The following GPLD1 variants were observed in gnomAD, a reference collection of about 807,000 sequenced individuals.
GPLD1 encodes phosphatidylinositol-glycan-specific phospholipase D.
In GPLD1, 84 loss-of-function variants were observed where a neutral mutation model predicts 112.6. The ratio of observed to expected loss-of-function variants is 0.75; its 90% confidence interval spans 0.63 to 0.89. The LOEUF (loss-of-function observed/expected upper bound fraction) is 0.89, where lower values mean the gene tolerates loss of function less well. Ranked by LOEUF, GPLD1 falls within the 40% of genes least tolerant of loss-of-function variation. The pLI is 0.00. For missense variants in GPLD1, 1,044 were observed against 1,051.5 expected (o/e 0.99, Z 0.10); for synonymous variants, 386 against 403.8 (o/e 0.96, Z 0.53).
Position 24,445,716 on chromosome 6 carries a change from C to T in GPLD1, c.1926+10G>A. ...TGTCCACTCTCCTGTGTGGGGAGGG[C>T]TTGTCATACCTTGTCTCCAGAAATG... On this transcript the variant is annotated intron_variant, in intron 19 of 24. Coordinates refer to ENST00000230036, the MANE Select transcript of GPLD1 (RefSeq NM_001503.4). The T allele has an allele frequency of 1.9e-6, 3 of 1,608,426 alleles. No individual in the cohort carries two copies. The highest frequency in any genetic ancestry group is 2.6e-6 in the Non-Finnish European group (3 of 1,174,890).
Position 24,429,042 on chromosome 6 carries a change from C to T in GPLD1, c.2513G>A (p.Gly838Asp). 5.6e-6 allele frequency: 9 copies of T among 1,610,332 alleles called. No homozygotes were observed. The highest frequency in any genetic ancestry group is 7.6e-6 in the Non-Finnish European group (9 of 1,177,046). The change falls in exon 25 of 25, where the codon GGC becomes GAC. Residue 838 changes from glycine to aspartate, a missense_variant. Coordinates refer to ENST00000230036, the MANE Select transcript of GPLD1 (RefSeq NM_001503.4). ...LSGALHVYSL[G>D]SD Reference sequence around the variant, plus strand: ...AATGCAGTGAAATCTTCAATCTGAGCCAAGGCTATAGACGTGAAGTGCCCC... The same window carrying T: ...AATGCAGTGAAATCTTCAATCTGAGTCAAGGCTATAGACGTGAAGTGCCCC...
Position 24,488,188 on chromosome 6 carries a change from G to A in GPLD1, c.97+1227C>T, listed in dbSNP as rs187429214. Among the ~76,000 whole-genome samples the A allele has an allele frequency of 4.2e-3, 641 of 152,068 alleles. 2 individuals are homozygous for A. The highest frequency in any genetic ancestry group is 0.014 in the African/African-American group (587 of 41,514). ...TTTGGGAGGCCGAGGCAGGCGGATCGCAAGGTCAGGAGATCGAGATCATCC... is the reference window on the plus strand; with the variant it reads ...TTTGGGAGGCCGAGGCAGGCGGATCACAAGGTCAGGAGATCGAGATCATCC... On this transcript the variant is annotated intron_variant, in intron 1 of 24. Coordinates refer to ENST00000230036, the MANE Select transcript of GPLD1 (RefSeq NM_001503.4).
intron 3 of GPLD1, among the ~76,000 whole-genome samples, chr6:24,479,508 C>T (rs759737904): frequency 2.6e-4 from 40 of 152,194 alleles, no homozygotes; most frequent in Non-Finnish European, 4.7e-4. Context: ...TTTGCCAAGA[C>T]ATGAAAATTG....
upstream of GPLD1, among the ~76,000 whole-genome samples, chr6:24,493,408 G>A (rs1764605966): frequency 6.6e-6 from 1 of 152,106 alleles, no homozygotes; most frequent in Admixed American, 6.6e-5. Flanking sequence ...CCCGGGAGGC[G>A]GAAGTTGCAG....
intron 7 of GPLD1, among the ~76,000 whole-genome samples, chr6:24,469,357 A>G (rs1460188396): frequency 1.5e-5 from 2 of 130,882 alleles, no homozygotes; most frequent in Admixed American, 1.7e-4. Flanking sequence ...TATTCACAAT[A>G]GCAAAGACTT....
At chr6:24,491,841 T>C (rs956836482), upstream of GPLD1, among the ~76,000 whole-genome samples, 5 of 152,232 alleles carry the variant, frequency 3.3e-5, no homozygotes, top group African/African-American at 1.2e-4. Context: ...ATTATTTGCT[T>C]AGTGTGATAG....
chr6:24,456,411 TAAAATG>T (rs1389101055), intron 13 of GPLD1, 81 bp downstream of exon 13: 1 of 894,210 alleles, frequency 1.1e-6, no homozygotes, highest in Non-Finnish European at 1.7e-6. Context: ...TAAAATAAAA[TAAAATG>T]AAATAAAAAA....
chr6:24,482,052 T>C (rs1447692965), intron 2 of GPLD1, among the ~76,000 whole-genome samples: 2 of 151,304 alleles, frequency 1.3e-5, no homozygotes, highest in Non-Finnish European at 2.9e-5. Flanking sequence ...AAAAGAAGAG[T>C]ACTAACGAAG....
intron 22 of GPLD1, among the ~76,000 whole-genome samples, chr6:24,436,349 G>A (rs1483944056): frequency 1.3e-5 from 2 of 152,148 alleles, no homozygotes; most frequent in Admixed American, 6.5e-5. Context: ...GTGTGACCAG[G>A]GACCTACATA....
intron 10 of GPLD1, among the ~76,000 whole-genome samples, chr6:24,463,984 G>A (rs1427446397): frequency 6.6e-6 from 1 of 152,146 alleles, no homozygotes; most frequent in Non-Finnish European, 1.5e-5. Context: ...TTTTCCTAAC[G>A]AAAGAATAAG....
intron 10 of GPLD1, among the ~76,000 whole-genome samples, chr6:24,463,234 G>T (rs893482075): frequency 1.3e-5 from 2 of 152,064 alleles, no homozygotes; most frequent in East Asian, 1.9e-4. Context: ...GCTAATGAAG[G>T]ATCCCCTTTT....
At position 24,453,933 on chromosome 6, in the gene GPLD1, G is replaced by C; in HGVS notation, c.1335+82C>G. 6.0e-6 allele frequency: 5 copies of C among 838,292 alleles called. No individual in the cohort carries two copies. In the South Asian group the frequency reaches 8.4e-5, roughly 14 times the overall value. 51.9% of individuals were successfully genotyped at this position (838,292 alleles called of 1,614,324 possible). ...GTTACTGTAATTATTCTTGTTATTAGTTACTCATCCTGGAGAATCTGCCAC... is the reference window on the plus strand; with the variant it reads ...GTTACTGTAATTATTCTTGTTATTACTTACTCATCCTGGAGAATCTGCCAC... On this transcript the variant is annotated intron_variant, in intron 14 of 24. Transcript: ENST00000230036.
intron 20 of GPLD1, among the ~76,000 whole-genome samples, chr6:24,440,852 G>A (rs751235194): frequency 5.3e-5 from 8 of 151,956 alleles, no homozygotes; most frequent in Non-Finnish European, 1.2e-4. Flanking sequence ...GAGATTTTGT[G>A]GATTATAAAA....
upstream of GPLD1, chr6:24,489,726 C>T: frequency 1.4e-6 from 1 of 699,244 alleles, no homozygotes; most frequent in Non-Finnish European, 2.2e-6. Context: ...AAACTCTGTG[C>T]TCCTGGGGGG....
chr6:24,491,699 C>CAA (rs143383793), upstream of GPLD1, among the ~76,000 whole-genome samples: 2 of 134,934 alleles, frequency 1.5e-5, no homozygotes, highest in South Asian at 2.3e-4. Flanking sequence ...GACCCCACCT[C>CAA]AAAAAAAAAA....
At chr6:24,470,041 C>T (rs940078764) in intron 7 of GPLD1, among the ~76,000 whole-genome samples, 1 of 152,006 alleles carries the variant, frequency 6.6e-6, no homozygotes, top group African/African-American at 2.4e-5. Context: ...ACAAAAAAAC[C>T]CTGGGAGGTA....
In GPLD1 at chr6:24,473,668, C is replaced by A; in HGVS notation, c.442-1G>T. ...CTGAATAGGAGCCGTGAAAATCAAT[C>A]TAAGAAAGAAAGAGAACCATCTGGT... On this transcript the variant is annotated splice_acceptor_variant, in intron 5 of 24. Coordinates refer to ENST00000230036, the MANE Select transcript of GPLD1 (RefSeq NM_001503.4). LOFTEE classifies it high-confidence loss of function. The A allele has an allele frequency of 6.2e-7, 1 of 1,603,468 alleles. No individual in the cohort carries two copies. Among genetic ancestry groups the A allele is most frequent in the East Asian group, 2.2e-5 (1 of 44,788 alleles).
chr6:24,480,496 G>GT (rs11287089), intron 2 of GPLD1, among the ~76,000 whole-genome samples: 2 of 151,950 alleles, frequency 1.3e-5, no homozygotes, highest in Non-Finnish European at 2.9e-5. Context: ...CCCACAGCTG[G>GT]TTTTTTATAA....
chr6:24,487,307 A>G (rs903479245), intron 1 of GPLD1, among the ~76,000 whole-genome samples: 2 of 152,148 alleles, frequency 1.3e-5, no homozygotes, highest in African/African-American at 4.8e-5. Context: ...TATTTATAAA[A>G]TCATCTAATT....
Sources: allele counts gnomAD v4.1 joint callset (sites outside exome capture counted in the v4.1 genomes callset), GRCh38; gene constraint gnomAD v4.1.1; transcripts MANE v1.5; gene names NCBI Gene and HGNC (gene_info 2026-07-23, HGNC 2026-07-21).